The following RPS6KA2 variants were observed in gnomAD, a reference collection of about 807,000 sequenced individuals.
RPS6KA2 encodes the protein ribosomal protein S6 kinase A2, also known as ribosomal protein S6 kinase alpha-2.
In RPS6KA2, 42 loss-of-function variants were observed where a neutral mutation model predicts 91.8. The ratio of observed to expected loss-of-function variants is 0.46; its 90% CI spans 0.36 to 0.59. The LOEUF (loss-of-function observed/expected upper bound fraction) is 0.59. Among genes scored for constraint, RPS6KA2 ranks in the 20% least tolerant of loss-of-function variants. The probability of loss-of-function intolerance (pLI) is 0.00; values close to 1 mark genes in which losing one functional copy is unlikely to be tolerated. For missense variants in RPS6KA2, 798 were observed against 978.5 expected, an observed-to-expected ratio of 0.82 and a Z score of 2.46; for synonymous variants, 414 against 393.6, an observed-to-expected ratio of 1.05 and a Z score of -0.61.
intron 2 of RPS6KA2, among the ~76,000 whole-genome samples, chr6:166,710,154 T>C (rs929200525): frequency 1.6e-4 from 24 of 152,352 alleles, no homozygotes; most frequent in African/African-American, 5.5e-4. Context: ...TATATGTGTA[T>C]GTCAATTTAA....
chr6:166,745,289 T>C (rs1030481717), intron 2 of RPS6KA2, among the ~76,000 whole-genome samples: 88 of 152,142 alleles, frequency 5.8e-4, no homozygotes, highest in South Asian at 1.2e-3. Flanking sequence ...GTAGCTGGGA[T>C]TTCAGGTGTG....
In RPS6KA2 at chr6:166,639,920, G is replaced by A. The variant is rs952196395; in HGVS notation, c.124-101136C>T. On this transcript the variant is annotated intron_variant, in intron 2 of 21. Coordinates refer to the RPS6KA2 transcript ENST00000503859. This position sits in a 1 kb window ranked among gnomAD's most constrained non-coding sequence, Gnocchi z 4.2. Reference sequence around the variant, plus strand: ...ATGTTAAACTACTTCAGAGAAGCAAGTGTCCGTAGCGTTCCATGCGTGTGT... The same window carrying A: ...ATGTTAAACTACTTCAGAGAAGCAAATGTCCGTAGCGTTCCATGCGTGTGT... Among the ~76,000 whole-genome samples the A allele has an allele frequency of 6.6e-5, 10 of 152,162 alleles. No individual in the cohort carries two copies. Among genetic ancestry groups the A allele is most frequent in the African/African-American group, 2.4e-4 (10 of 41,374 alleles).
Position 166,603,420 on chromosome 6 carries a change from A to C in RPS6KA2, c.99+23501T>G, listed in dbSNP as rs1201587803. ...GGGAGGCCGAGTGGTGACTTCCTCCAGTCCAGCATCCACCAGCCACACGGG... is the reference window on the plus strand; with the variant it reads ...GGGAGGCCGAGTGGTGACTTCCTCCCGTCCAGCATCCACCAGCCACACGGG... On this transcript the variant is annotated intron_variant, in intron 1 of 20. Coordinates refer to ENST00000265678, the MANE Select transcript of RPS6KA2 (RefSeq NM_021135.6). The surrounding 1 kb of genome is among the most constrained non-coding windows in gnomAD (Gnocchi z 4.3). Among the ~76,000 whole-genome samples the C allele has an allele frequency of 1.3e-5, 2 of 152,196 alleles. No individual in the cohort carries two copies. Among genetic ancestry groups the C allele is most frequent in the African/African-American group, 4.8e-5 (2 of 41,450 alleles).
At chr6:166,812,610 ACCCGTGGCCACGTGGCCTCAAGCT>A (rs914337698) in intron 2 of RPS6KA2, among the ~76,000 whole-genome samples, 6 of 151,936 alleles carry the variant, frequency 3.9e-5, no homozygotes, top group Admixed American at 3.3e-4. Flanking sequence ...GGCCTCCCAT[ACCCGTGGCCACGTGGCCTCAAGCT>A]CCCGCTCTCG....
At chr6:166,558,830 GAC>G (rs1784255065) in intron 1 of RPS6KA2, among the ~76,000 whole-genome samples, 1 of 152,214 alleles carries the variant, frequency 6.6e-6, no homozygotes, top group Non-Finnish European at 1.5e-5. Context: ...AACCCATGAT[GAC>G]ACACAAGCTC....
At chr6:166,804,405 T>C (rs1297012613) in intron 2 of RPS6KA2, among the ~76,000 whole-genome samples, 1 of 151,980 alleles carries the variant, frequency 6.6e-6, no homozygotes, top group Non-Finnish European at 1.5e-5. Flanking sequence ...ACTCAGTGGA[T>C]TCACATTCTC....
intron 2 of RPS6KA2, among the ~76,000 whole-genome samples, chr6:166,679,307 T>A (rs914875144): frequency 1.7e-3 from 244 of 143,858 alleles, no homozygotes; most frequent in African/African-American, 5.8e-3. Flanking sequence ...AAAAAAAAAA[T>A]ACAAAAATTA....
intron 2 of RPS6KA2, among the ~76,000 whole-genome samples, chr6:166,697,057 A>ATG (rs3071132): frequency 0.14 from 21,677 of 149,562 alleles, 2,352 homozygotes; most frequent in African/African-American, 0.32. Context: ...GTGTATATAT[A>ATG]TGTGTGTGTG....
intron 1 of RPS6KA2, among the ~76,000 whole-genome samples, chr6:166,541,695 C>A (rs765696027): frequency 2.6e-5 from 4 of 152,190 alleles, no homozygotes; most frequent in Non-Finnish European, 5.9e-5. Flanking sequence ...CACACCCCCA[C>A]CTCCGTTGCA....
chr6:166,754,590 TG>T (rs1048478617), intron 2 of RPS6KA2, among the ~76,000 whole-genome samples: 1 of 151,668 alleles, frequency 6.6e-6, no homozygotes, highest in Non-Finnish European at 1.5e-5. Context: ...AAGGAGGTGG[TG>T]GGGGTGGGCT....
Position 166,494,108 on chromosome 6 carries a change from A to G in RPS6KA2, c.748-3367T>C, listed in dbSNP as rs1781699428. ...TTTTAATCTGAAAACAGGCGAGGACAAGCCCTGACCTGAGATGGATGACTT... is the reference window on the plus strand; with the variant it reads ...TTTTAATCTGAAAACAGGCGAGGACGAGCCCTGACCTGAGATGGATGACTT... On this transcript the variant is annotated intron_variant, in intron 8 of 20. Transcript: ENST00000265678. This position sits in a 1 kb window ranked among gnomAD's most constrained non-coding sequence, Gnocchi z 5.1. 1.3e-5 allele frequency among the ~76,000 whole-genome samples: 2 copies of G among 152,328 alleles called. No homozygotes were observed. The highest frequency in any genetic ancestry group is 4.8e-5 in the African/African-American group (2 of 41,570).
At chr6:166,568,546 AG>A (rs1784575579) in intron 1 of RPS6KA2, among the ~76,000 whole-genome samples, 1 of 137,508 alleles carries the variant, frequency 7.3e-6, no homozygotes, top group Middle Eastern at 4.1e-3. Flanking sequence ...TGAACCTGGG[AG>A]GCAGAGGTTG....
At chr6:166,684,264 C>T (rs1431177754) in intron 2 of RPS6KA2, among the ~76,000 whole-genome samples, 2 of 152,140 alleles carry the variant, frequency 1.3e-5, no homozygotes, top group Non-Finnish European at 2.9e-5. Context: ...CAGGCATTAC[C>T]GCCCCTTTTC....
intron 3 of RPS6KA2, among the ~76,000 whole-genome samples, chr6:166,514,802 T>C (rs1223855999): frequency 1.3e-5 from 2 of 152,112 alleles, no homozygotes; most frequent in Non-Finnish European, 2.9e-5. Context: ...CCTCAGGACC[T>C]CTCAGCTGCT....
At position 166,451,216 on chromosome 6, in the gene RPS6KA2, G is replaced by A. The variant is rs770497302; in HGVS notation, c.1093C>T (p.Pro365Ser). Residue 365 changes from proline (P) to serine (S), a missense_variant, in exon 13 of 21, where the codon CCG becomes TCG. Physicochemically the swap from Pro to Ser is moderately conservative, Grantham distance 74. Transcript: ENST00000265678. ...AACAGGTGATGAGCGTTTGCACTCG[G>A]GGGGACGCCAGGAGAGTCTGTAGGT... ...RTPTDSPGVPPSANAHHLFRG... is the reference protein window; with the variant it reads ...RTPTDSPGVPSSANAHHLFRG... 3.1e-6 allele frequency: 5 copies of A among 1,614,004 alleles called. No individual in the cohort carries two copies. The Admixed American group carries it at 8.3e-5, about 27-fold the overall frequency.
In RPS6KA2 at chr6:166,581,716, C is replaced by A. The variant is rs573719631; in HGVS notation, c.100-42932G>T. Among the ~76,000 whole-genome samples, 3 of 152,284 alleles carry A rather than the reference C, an allele frequency of 2.0e-5. No homozygotes were observed. The East Asian group carries it at 5.8e-4, about 29-fold the overall frequency. ...AATCACCACTTCAAATGAAGACCCA[C>A]CCTGGGCGAGATGGGGAGGGAACAC... On this transcript the variant is annotated intron_variant, in intron 1 of 20. Transcript: ENST00000265678.
chr6:166,635,095 C>T lies in RPS6KA2; in HGVS notation c.124-96311G>A, dbSNP rs546988886. Among the ~76,000 whole-genome samples the T allele has an allele frequency of 1.1e-4, 17 of 152,092 alleles. No individual in the cohort carries two copies. Among genetic ancestry groups the T allele is most frequent in the East Asian group, 3.9e-4 (2 of 5,180 alleles). Reference sequence around the variant, plus strand: ...TGATAACGGAGAGCCAACGGTAGTACGTGAAAGTGACCGTGTGGGGCATAC... The same window carrying T: ...TGATAACGGAGAGCCAACGGTAGTATGTGAAAGTGACCGTGTGGGGCATAC... On this transcript the variant is annotated intron_variant, in intron 2 of 21. Transcript: ENST00000503859. The surrounding 1 kb of genome is among the most constrained non-coding windows in gnomAD (Gnocchi z 4.8).
intron 2 of RPS6KA2, among the ~76,000 whole-genome samples, chr6:166,679,085 A>G (rs1302298910): frequency 1.3e-5 from 2 of 152,224 alleles, no homozygotes; most frequent in African/African-American, 2.4e-5. Flanking sequence ...CTAAATAGTA[A>G]GTTTGGAGAA....
chr6:166,561,227 T>G (rs1784333536), intron 1 of RPS6KA2, among the ~76,000 whole-genome samples: 2 of 152,150 alleles, frequency 1.3e-5, no homozygotes, highest in South Asian at 4.1e-4. Flanking sequence ...GCAGGAGCCC[T>G]GACCTGCAAA....
Sources: gnomAD v4.1 joint callset for allele counts (sites outside exome capture counted in the v4.1 genomes callset) on GRCh38, gnomAD v4.1.1 for gene constraint, Gnocchi (gnomAD v3.1) non-coding constraint, MANE v1.5 for transcripts, NCBI Gene and HGNC (gene_info 2026-07-23, HGNC 2026-07-21) for gene names.